The following CTNND2 variants were observed in gnomAD, a reference collection of about 807,000 sequenced individuals.
CTNND2 encodes catenin delta 2.
In CTNND2, 22 loss-of-function variants were observed where a neutral mutation model predicts 144.4. The ratio of observed to expected loss-of-function variants is 0.15; its 90% CI spans 0.11 to 0.22. The LOEUF (loss-of-function observed/expected upper bound fraction) is 0.22, where lower values mean the gene tolerates loss of function less well. Among genes scored for constraint, CTNND2 ranks in the 10% least tolerant of loss-of-function variants. CTNND2 has a pLI of 1.00. For synonymous variants in CTNND2, 751 were observed against 695.6 expected (o/e 1.08, Z -1.25); for missense variants, 1,353 against 1,618.8 (o/e 0.84, Z 2.82).
At chr5:11,593,249 A>T (rs1256287744) in intron 2 of CTNND2, among the ~76,000 whole-genome samples, 1 of 152,192 alleles carries the variant, frequency 6.6e-6, no homozygotes, top group Admixed American at 6.5e-5. Context: ...AATTCTGTTT[A>T]CCAAAGACCC....
chr5:11,485,387 GT>G (rs1768723143), intron 3 of CTNND2, among the ~76,000 whole-genome samples: 1 of 149,418 alleles, frequency 6.7e-6, no homozygotes, highest in Non-Finnish European at 1.5e-5. Context: ...GCGCGCGCGC[GT>G]GCGCGCGCAC....
chr5:11,743,446 T>C (rs916855551), intron 1 of CTNND2, among the ~76,000 whole-genome samples: 4 of 152,198 alleles, frequency 2.6e-5, no homozygotes, highest in African/African-American at 9.6e-5. Flanking sequence ...TTTGGGTAAG[T>C]GGCTTCCAAG....
intron 10 of CTNND2, among the ~76,000 whole-genome samples, chr5:11,205,690 C>T (rs1355115267): frequency 6.6e-6 from 1 of 152,120 alleles, no homozygotes; most frequent in East Asian, 1.9e-4. Context: ...CATGTAGTTG[C>T]CTCTGAGTAA....
intron 3 of CTNND2, among the ~76,000 whole-genome samples, chr5:11,490,180 T>C (rs1769258954): frequency 6.6e-6 from 1 of 152,216 alleles, no homozygotes; most frequent in Non-Finnish European, 1.5e-5. Flanking sequence ...CTCTAGTCAA[T>C]GAGATTTTTT....
chr5:11,698,470 G>A (rs1351771609), intron 2 of CTNND2, among the ~76,000 whole-genome samples: 2 of 151,824 alleles, frequency 1.3e-5, no homozygotes, highest in Non-Finnish European at 2.9e-5. Context: ...TGTATTTTTA[G>A]TAGAGACAGG....
intron 9 of CTNND2, among the ~76,000 whole-genome samples, chr5:11,339,729 C>T (rs1022528766): frequency 6.6e-5 from 10 of 151,956 alleles, no homozygotes; most frequent in African/African-American, 2.4e-4. Context: ...TAAAAGAGAC[C>T]CCACTTTGTG....
chr5:11,260,366 G>A (rs868011823), intron 9 of CTNND2, among the ~76,000 whole-genome samples: 5 of 151,840 alleles, frequency 3.3e-5, no homozygotes, highest in African/African-American at 1.2e-4. Context: ...TGCTTCTTCC[G>A]AAGAGCTTTA....
chr5:11,229,608 C>T (rs1226367379), intron 10 of CTNND2, among the ~76,000 whole-genome samples: 1 of 151,490 alleles, frequency 6.6e-6, no homozygotes, highest in Non-Finnish European at 1.5e-5. Context: ...ACTTTTAAAC[C>T]ACTAAGATAC....
intron 11 of CTNND2, among the ~76,000 whole-genome samples, chr5:11,162,386 G>C (rs1580456621): frequency 6.6e-6 from 1 of 152,156 alleles, no homozygotes; most frequent in Non-Finnish European, 1.5e-5. Flanking sequence ...ATGCAGTCTG[G>C]AATATCTTTT....
chr5:11,188,241 G>GTA (rs199907153), intron 11 of CTNND2, among the ~76,000 whole-genome samples: 3,361 of 151,952 alleles, frequency 0.022, 50 homozygotes, highest in Middle Eastern at 0.037. Context: ...AGAAAATGTG[G>GTA]TATATATATA....
At position 11,414,221 on chromosome 5, in the gene CTNND2, T is replaced by C. The variant is rs145994188; in HGVS notation, c.288-2152A>G. Among the ~76,000 whole-genome samples the C allele has an allele frequency of 2.9e-4, 44 of 152,276 alleles. No individual in the cohort carries two copies. The East Asian group carries it at 8.1e-3, about 28-fold the overall frequency. On this transcript the variant is annotated intron_variant, in intron 3 of 21. Coordinates refer to ENST00000304623, the MANE Select transcript of CTNND2 (RefSeq NM_001332.4). Reference sequence around the variant, plus strand: ...GAAGGAAACTCCCCTGGAGTATTTGTAGGGAATGCAGCCCTGCTGACACCT... The same window carrying C: ...GAAGGAAACTCCCCTGGAGTATTTGCAGGGAATGCAGCCCTGCTGACACCT...
intron 9 of CTNND2, among the ~76,000 whole-genome samples, chr5:11,256,092 G>A (rs1337338563): frequency 2.6e-5 from 4 of 152,154 alleles, no homozygotes; most frequent in African/African-American, 9.7e-5. Context: ...CCTGTGCTCA[G>A]GCCGAACTGT....
chr5:11,099,922 T>C (rs1751722103), intron 14 of CTNND2, among the ~76,000 whole-genome samples: 1 of 152,176 alleles, frequency 6.6e-6, no homozygotes, highest in Admixed American at 6.5e-5. Flanking sequence ...TACTTAAAAA[T>C]ACAGTGTAAA....
At chr5:11,627,694 G>A (rs982006097) in intron 2 of CTNND2, among the ~76,000 whole-genome samples, 17 of 151,616 alleles carry the variant, frequency 1.1e-4, no homozygotes, top group Non-Finnish European at 1.0e-4. Context: ...TTCCAGGCTG[G>A]GTGTGGGGGA....
At chr5:11,864,957 C>T (rs552490023) in intron 1 of CTNND2, among the ~76,000 whole-genome samples, 1 of 130,184 alleles carries the variant, frequency 7.7e-6, no homozygotes, top group East Asian at 2.6e-4. Flanking sequence ...TGCAATGGCA[C>T]GATCTCAGCT....
At chr5:11,516,432 A>G (rs1007159415) in intron 3 of CTNND2, among the ~76,000 whole-genome samples, 6 of 152,146 alleles carry the variant, frequency 3.9e-5, no homozygotes, top group African/African-American at 1.4e-4. Flanking sequence ...ATGATCTTAC[A>G]TATAGAAACT....
chr5:11,485,899 A>T (rs1382679182), intron 3 of CTNND2, among the ~76,000 whole-genome samples: 3 of 152,224 alleles, frequency 2.0e-5, no homozygotes, highest in Non-Finnish European at 4.4e-5. Context: ...AAGAAGAGTA[A>T]ATCAAATTAA....
intron 3 of CTNND2, among the ~76,000 whole-genome samples, chr5:11,503,642 G>A (rs1770739118): frequency 6.6e-6 from 1 of 152,212 alleles, no homozygotes; most frequent in African/African-American, 2.4e-5. Context: ...GACAGCTTTA[G>A]TCATGACGGT....
At chr5:11,524,803 C>T (rs1418893224) in intron 3 of CTNND2, among the ~76,000 whole-genome samples, 1 of 152,130 alleles carries the variant, frequency 6.6e-6, no homozygotes, top group Admixed American at 6.5e-5. Flanking sequence ...ACTGTATACG[C>T]ATCATCACTT....
Sources: gnomAD v4.1 joint callset for allele counts (sites outside exome capture counted in the v4.1 genomes callset) on GRCh38, gnomAD v4.1.1 for gene constraint, MANE v1.5 for transcripts, NCBI Gene and HGNC (gene_info 2026-07-23, HGNC 2026-07-21) for gene names.